Variants in LRRC4C observed in about 807,000 individuals in gnomAD.
The protein encoded by LRRC4C is leucine rich repeat containing 4C.
Under a neutral mutation model 33.6 loss-of-function variants are expected in LRRC4C, and 5 were observed. That is an observed-to-expected ratio of 0.15 (90% CI 0.08 to 0.31). LRRC4C has a LOEUF of 0.31. Ranked by LOEUF, LRRC4C falls within the 10% of genes least tolerant of loss-of-function variation. The probability of loss-of-function intolerance (pLI) is 1.00; values close to 1 mark genes in which losing one functional copy is unlikely to be tolerated. For synonymous variants in LRRC4C, 329 were observed against 302.0 expected (o/e 1.09, Z -0.93); for missense variants, 560 against 796.7 (o/e 0.70, Z 3.58).
At chr11:40,803,097 A>G (rs1040194086) in intron 2 of LRRC4C, among the ~76,000 whole-genome samples, 6 of 152,206 alleles carry the variant, frequency 3.9e-5, no homozygotes, top group Non-Finnish European at 8.8e-5. Flanking sequence ...TGATTTGATA[A>G]CCAGGCAAGC....
intron 3 of LRRC4C, among the ~76,000 whole-genome samples, chr11:40,417,257 C>T (rs977160350): frequency 7.2e-5 from 11 of 152,072 alleles, no homozygotes; most frequent in South Asian, 2.1e-4. Flanking sequence ...TGGCAATAAA[C>T]GAACTCAATA....
intron 1 of LRRC4C, among the ~76,000 whole-genome samples, chr11:41,207,608 CCT>C (rs1204907273): frequency 3.3e-5 from 5 of 152,130 alleles, no homozygotes; most frequent in African/African-American, 1.2e-4. Flanking sequence ...TTTCCCTCTC[CCT>C]CTCTTTTTCC....
chr11:40,929,136 T>C (rs557241516), intron 2 of LRRC4C, among the ~76,000 whole-genome samples: 1 of 152,336 alleles, frequency 6.6e-6, no homozygotes, highest in East Asian at 1.9e-4. Flanking sequence ...ACACTTCCTC[T>C]TTAAAGTTGC....
chr11:41,422,808 A>G (rs1285185589), intron 1 of LRRC4C, among the ~76,000 whole-genome samples: 1 of 152,044 alleles, frequency 6.6e-6, no homozygotes, highest in African/African-American at 2.4e-5. Flanking sequence ...TTATAAGTTA[A>G]TAAAGAAATA....
At chr11:40,702,622 T>C (rs1945925100) in intron 2 of LRRC4C, among the ~76,000 whole-genome samples, 1 of 152,138 alleles carries the variant, frequency 6.6e-6, no homozygotes, top group African/African-American at 2.4e-5. Flanking sequence ...GAGCACAATT[T>C]TGTCTTGGCC....
intron 1 of LRRC4C, among the ~76,000 whole-genome samples, chr11:41,038,915 T>C (rs1226790237): frequency 6.6e-6 from 1 of 152,198 alleles, no homozygotes; most frequent in African/African-American, 2.4e-5. Flanking sequence ...TTTCTTTCAC[T>C]GTACAGAAGC....
Position 40,316,115 on chromosome 11 carries a change from C to A in LRRC4C, c.-176+3513G>T, listed in dbSNP as rs183154733. On this transcript the variant is annotated intron_variant, in intron 4 of 6. Coordinates refer to ENST00000528697, the MANE Select transcript of LRRC4C (RefSeq NM_001258419.2). Reference sequence around the variant, plus strand: ...GGAAAAAGTCTATGCATTTTTTAATCAAAAAAAATCCCACAGATGTGATAA... The same window carrying A: ...GGAAAAAGTCTATGCATTTTTTAATAAAAAAAAATCCCACAGATGTGATAA... Among the ~76,000 whole-genome samples the A allele has an allele frequency of 3.7e-3, 554 of 151,672 alleles. 1 individual carries two copies. The highest frequency in any genetic ancestry group is 5.2e-3 in the Non-Finnish European group (353 of 67,778).
intron 3 of LRRC4C, among the ~76,000 whole-genome samples, chr11:40,362,841 A>G (rs778398763): frequency 2.6e-5 from 4 of 152,234 alleles, no homozygotes; most frequent in African/African-American, 4.8e-5. Context: ...CATTAGAGAA[A>G]TTCAACTCAA....
intron 1 of LRRC4C, among the ~76,000 whole-genome samples, chr11:41,333,651 G>A (rs1182498645): frequency 6.6e-6 from 1 of 152,174 alleles, no homozygotes; most frequent in Non-Finnish European, 1.5e-5. Context: ...ATTAAAGCAA[G>A]TGAGCTAAAT....
chr11:40,185,694 CAAAG>C (rs772226665), intron 5 of LRRC4C, among the ~76,000 whole-genome samples: 4 of 151,938 alleles, frequency 2.6e-5, no homozygotes, highest in Admixed American at 6.6e-5. Context: ...ATTTTTCAGA[CAAAG>C]AAAGAGCACG....
At chr11:40,764,624 G>A (rs979809227) in intron 2 of LRRC4C, among the ~76,000 whole-genome samples, 1 of 152,090 alleles carries the variant, frequency 6.6e-6, no homozygotes, top group Admixed American at 6.6e-5. Flanking sequence ...AAACACTGGT[G>A]GTAGCTAGGC....
intron 2 of LRRC4C, among the ~76,000 whole-genome samples, chr11:40,741,829 A>G (rs1425889583): frequency 2.0e-5 from 3 of 152,040 alleles, no homozygotes; most frequent in Non-Finnish European, 4.4e-5. Context: ...CAAATCAGGC[A>G]TCTATAAAAA....
chr11:41,106,247 T>TTGTG (rs60022182), intron 1 of LRRC4C, among the ~76,000 whole-genome samples: 15,026 of 149,812 alleles, frequency 0.1, 773 homozygotes, highest in South Asian at 0.17. Flanking sequence ...GTCTGCGCAT[T>TTGTG]TGTGTGTGTG....
intron 1 of LRRC4C, among the ~76,000 whole-genome samples, chr11:41,369,253 T>C (rs1047656876): frequency 6.6e-6 from 1 of 152,114 alleles, no homozygotes; most frequent in Non-Finnish European, 1.5e-5. Flanking sequence ...ATGTTACTGA[T>C]GTATAGAAGA....
intron 1 of LRRC4C, among the ~76,000 whole-genome samples, chr11:41,130,685 T>A (rs569012802): frequency 1.3e-5 from 2 of 152,174 alleles, no homozygotes; most frequent in African/African-American, 4.8e-5. Flanking sequence ...TTGCCAATTG[T>A]TTCATAGAAA....
At chr11:40,748,607 A>C (rs2136964937) in intron 2 of LRRC4C, among the ~76,000 whole-genome samples, 1 of 152,226 alleles carries the variant, frequency 6.6e-6, no homozygotes, top group African/African-American at 2.4e-5. Flanking sequence ...CCAAAAAACA[A>C]TTGACAATAT....
At chr11:40,287,195 G>A (rs555943235) in intron 4 of LRRC4C, among the ~76,000 whole-genome samples, 31 of 151,590 alleles carry the variant, frequency 2.0e-4, no homozygotes, top group Non-Finnish European at 4.4e-4. Context: ...AATACACACT[G>A]CATCACATGA....
chr11:41,233,450 G>A (rs7930753), intron 1 of LRRC4C, among the ~76,000 whole-genome samples: 5,608 of 151,960 alleles, frequency 0.037, 148 homozygotes, highest in African/African-American at 0.068. Flanking sequence ...AATATGAAAA[G>A]CTACATAGTC....
At chr11:40,668,992 G>A (rs931592954) in intron 2 of LRRC4C, among the ~76,000 whole-genome samples, 2 of 152,150 alleles carry the variant, frequency 1.3e-5, no homozygotes, top group African/African-American at 2.4e-5. Context: ...CTATAGCCCA[G>A]GTTCAAATCT....
Sources: allele counts gnomAD v4.1 joint callset (sites outside exome capture counted in the v4.1 genomes callset), GRCh38; gene constraint gnomAD v4.1.1; transcripts MANE v1.5; gene names NCBI Gene and HGNC (gene_info 2026-07-23, HGNC 2026-07-21).